The following GOLGA6B variants were observed in gnomAD, a reference collection of about 807,000 sequenced individuals.
The protein encoded by GOLGA6B is golgin A6 family member B, also known as golgin subfamily A member 6B.
A neutral mutation model predicts 63.0 loss-of-function variants in GOLGA6B; 11 were observed. That is an observed-to-expected ratio of 0.17 (90% CI 0.11 to 0.29). The LOEUF is 0.29. GOLGA6B is among the 10% of genes least tolerant of loss of function. The pLI, the probability that GOLGA6B is intolerant of heterozygous loss-of-function variation, is 1.00. For synonymous variants in GOLGA6B, 46 were observed against 232.6 expected, an observed-to-expected ratio of 0.20 and a Z score of 7.30; for missense variants, 134 against 563.8, an observed-to-expected ratio of 0.24 and a Z score of 7.72.
rs1453418173 is a variant in GOLGA6B at position 72,664,595 on chromosome 15, G to A, written c.1501+84G>A. 8 of 976,298 alleles carry A rather than the reference G, an allele frequency of 8.2e-6. No homozygotes were observed. In the East Asian group the frequency reaches 2.3e-4, roughly 28 times the overall value. The allele number at this position is 976,298 out of a possible 1,614,324, so 60.5% of individuals were successfully genotyped here. A position where few individuals can be genotyped will look rare whatever the true frequency, so the allele number is the denominator to read the frequency against. On this transcript the variant is annotated intron_variant, in intron 13 of 17. Coordinates refer to ENST00000421285, the MANE Select transcript of GOLGA6B (RefSeq NM_018652.5). The stretch of plus-strand genomic sequence containing the variant: ...GCAGCATAGGATTGAGGGGTTGGAA[G>A]AGACCTTTAGAACAGCTGGTCGTTA...
chr15:72,664,399 C>T, intron 12 of GOLGA6B, 37 bp from the exon 13 acceptor site: 1 of 1,317,690 alleles, frequency 7.6e-7, no homozygotes, highest in Non-Finnish European at 1.0e-6. Context: ...GACCTGGCAA[C>T]CTCCGTGCCT....
In GOLGA6B at chr15:72,662,443, C is replaced by T. The variant is rs373395322; in HGVS notation, c.1039C>T (p.Arg347Ter). The change falls in exon 11 of 18, where the codon CGA becomes TGA. Residue 347 changes from arginine (R) to a stop codon, truncating the protein, a stop_gained. Transcript: ENST00000421285. LOFTEE classifies it high-confidence loss of function. ...ACTCCAGGAGCAGGAGGAGATGCTC[C>T]GAGAGCAGGAGGTGCAGAGAGTGCG... ...QRLQEQEEML[R>*]EQEVQRVREQ... 1.6e-5 allele frequency: 22 copies of T among 1,393,368 alleles called. No homozygotes were observed. The highest frequency in any genetic ancestry group is 5.3e-5 in the East Asian group (2 of 37,630). 86.3% of individuals were successfully genotyped at this position (1,393,368 alleles called of 1,614,324 possible). A position where few individuals can be genotyped will look rare whatever the true frequency, so the allele number is the denominator to read the frequency against.
Position 72,669,116 on chromosome 15 carries a change from T to C in GOLGA6B, c.*2774T>C, listed in dbSNP as rs1253493313. ...TCTGTAGGAAGTAAAGAATTAAAAA[T>C]CTATTTAAAGATTGCAATATATAAT... On this transcript the variant is annotated 3_prime_UTR_variant, in exon 18 of 18. Transcript: ENST00000421285. Among the ~76,000 whole-genome samples, 6 of 151,370 alleles carry C rather than the reference T, an allele frequency of 4.0e-5. No individual in the cohort carries two copies. Among genetic ancestry groups the C allele is most frequent in the South Asian group, 2.1e-4 (1 of 4,790 alleles).
rs769770180 is a variant in GOLGA6B, at chr15:72,662,279, C to T, written c.875C>T (p.Ala292Val). ...AAGCCCCCATCCCTGGCGCCCCCAGCAGTGACCTCTGTGGTGGAACAGCTA... is the reference window on the plus strand; with the variant it reads ...AAGCCCCCATCCCTGGCGCCCCCAGTAGTGACCTCTGTGGTGGAACAGCTA... ...MAKPPSLAPP[A>V]VTSVVEQLQD... The change falls in exon 11 of 18, where the codon GCA becomes GTA. Residue 292 changes from alanine to valine, a missense_variant. Transcript: ENST00000421285. 30 of 1,386,490 alleles carry T rather than the reference C, an allele frequency of 2.2e-5. 8 individuals carry two copies. The highest frequency in any genetic ancestry group is 3.9e-5 in the Admixed American group (2 of 51,760). 85.9% of individuals were successfully genotyped at this position (1,386,490 alleles called of 1,614,324 possible). A position where few individuals can be genotyped will look rare whatever the true frequency, so the allele number is the denominator to read the frequency against.
intron 7 of GOLGA6B, among the ~76,000 whole-genome samples, chr15:72,660,922 G>T (rs571050088): frequency 0.049 from 7,290 of 147,342 alleles, 525 homozygotes; most frequent in African/African-American, 0.17. Flanking sequence ...ACACAATAGA[G>T]GTAATCCTAG....
rs762683849 is a variant in GOLGA6B at position 72,664,481 on chromosome 15, C to T, written c.1471C>T (p.Gln491Ter). 1.2e-5 allele frequency: 16 copies of T among 1,355,428 alleles called. 2 individuals are homozygous for T. In the South Asian group the frequency reaches 2.1e-4, roughly 18 times the overall value. 84.0% of individuals were successfully genotyped at this position (1,355,428 alleles called of 1,614,324 possible). ...ASQQNQQLET[Q>*]LSLVALPGEG... ...CCAGCAGAACCAACAGCTAGAGACC[C>T]AGCTAAGCCTCGTGGCTCTCCCGGG... The change falls in exon 13 of 18, where the codon CAG (glutamine) becomes TAG (stop). Residue 491 changes from glutamine (Q) to a stop codon, truncating the protein, a stop_gained. Coordinates refer to ENST00000421285, the MANE Select transcript of GOLGA6B (RefSeq NM_018652.5). LOFTEE classifies it high-confidence loss of function.
rs1006863556 is a variant in GOLGA6B at position 72,664,268 on chromosome 15, C to A, written c.1426-168C>A. On this transcript the variant is annotated intron_variant, in intron 12 of 17. Transcript: ENST00000421285. ...GCACAGGCAGTTACTGCTGCAGACC[C>A]AGCTCGTGGACCAGCTGCAGCAGCA... Among the ~76,000 whole-genome samples the A allele has an allele frequency of 3.1e-5, 4 of 130,238 alleles. 1 individual carries two copies. Among genetic ancestry groups the A allele is most frequent in the Non-Finnish European group, 7.0e-5 (4 of 57,552 alleles). The allele number at this position is 130,238 out of a possible 152,430, so 85.4% of individuals were successfully genotyped here.
At chr15:72,661,015 A>G (rs1473370454) in intron 7 of GOLGA6B, among the ~76,000 whole-genome samples, 3 of 151,520 alleles carry the variant, frequency 2.0e-5, no homozygotes, top group Admixed American at 6.6e-5. Flanking sequence ...CGGTTCAAAC[A>G]GTGGTAGTAA....
rs1317306794 is a variant in GOLGA6B at position 72,660,659 on chromosome 15, A to G, written c.564+430A>G. Among the ~76,000 whole-genome samples the G allele has an allele frequency of 6.2e-5, 7 of 113,226 alleles. No individual in the cohort carries two copies. The East Asian group carries it at 1.5e-3, about 25-fold the overall frequency. The allele number at this position is 113,226 out of a possible 152,430, so 74.3% of individuals were successfully genotyped here. ...CAAAAACATGTCTGCAAGCATTCAT[A>G]AAAAACTCAGGAGAGAGTAACAGGG... On this transcript the variant is annotated intron_variant, in intron 7 of 17. Transcript: ENST00000421285.
At chr15:72,664,563 A>C in intron 13 of GOLGA6B, 52 bp downstream of exon 13, 1 of 1,161,152 alleles carries the variant, frequency 8.6e-7, no homozygotes, top group Non-Finnish European at 1.2e-6. Context: ...GGAAGGGGGG[A>C]CTGTTAGCAG....
In GOLGA6B at chr15:72,664,522, C is replaced by G. The variant is rs745391059; in HGVS notation, c.1501+11C>G. On this transcript the variant is annotated intron_variant, in intron 13 of 17. Transcript: ENST00000421285. Reference sequence around the variant, plus strand: ...CTCTCCCGGGAGAAGGTACAGGAGACCACTCAGAGGAAGAGGAGAGAGCCC... The same window carrying G: ...CTCTCCCGGGAGAAGGTACAGGAGAGCACTCAGAGGAAGAGGAGAGAGCCC... 4 of 1,346,110 alleles carry G rather than the reference C, an allele frequency of 3.0e-6. 1 individual carries two copies. The highest frequency in any genetic ancestry group is 4.1e-6 in the Non-Finnish European group (4 of 987,568). 83.4% of individuals were successfully genotyped at this position (1,346,110 alleles called of 1,614,324 possible).
chr15:72,666,927 AC>A lies in GOLGA6B; in HGVS notation c.*586del. On this transcript the variant is annotated 3_prime_UTR_variant, in exon 18 of 18. Coordinates refer to ENST00000421285, the MANE Select transcript of GOLGA6B (RefSeq NM_018652.5). ...ACTGTTTATTACTTTGTAATATGCC[AC>A]TGTGAGTACTGACATTTAGAGTTGT... Among the ~76,000 whole-genome samples the A allele has an allele frequency of 7.3e-6, 1 of 137,430 alleles. No homozygotes were observed. The highest frequency in any genetic ancestry group is 1.6e-5 in the Non-Finnish European group (1 of 64,342). 90.2% of individuals were successfully genotyped at this position (137,430 alleles called of 152,430 possible). A position where few individuals can be genotyped will look rare whatever the true frequency, so the allele number is the denominator to read the frequency against.
intron 7 of GOLGA6B, among the ~76,000 whole-genome samples, chr15:72,660,534 G>T (rs1410076753): frequency 1.3e-5 from 1 of 75,096 alleles, no homozygotes; most frequent in Non-Finnish European, 2.7e-5. Flanking sequence ...TTCTGTGAAG[G>T]TACAGAAGAG....
rs570912863 is a variant in GOLGA6B, at chr15:72,662,358, C to G, written c.954C>G (p.Leu318=). The G allele has an allele frequency of 3.6e-6, 5 of 1,390,274 alleles. 1 individual carries two copies. The highest frequency in any genetic ancestry group is 1.5e-5 in the African/African-American group (1 of 67,118). The allele number at this position is 1,390,274 out of a possible 1,614,324, so 86.1% of individuals were successfully genotyped here. ...AGGTGGAAGGTCTGGAGGGAAAGCT[C>G]CAATCCCAGGTGGAAAACAATCAGG... ...RQEVEGLEGK[L]QSQVENNQAL... The change falls in exon 11 of 18, where the codon CTC becomes CTG. Residue 318 remains leucine, a synonymous_variant. Transcript: ENST00000421285.
rs1402892072 is a variant in GOLGA6B at position 72,663,593 on chromosome 15, G to A, written c.1425+488G>A. 9.4e-5 allele frequency among the ~76,000 whole-genome samples: 12 copies of A among 127,638 alleles called. 2 individuals carry two copies. The highest frequency in any genetic ancestry group is 1.9e-4 in the African/African-American group (7 of 36,330). The allele number at this position is 127,638 out of a possible 152,430, so 83.7% of individuals were successfully genotyped here. A position where few individuals can be genotyped will look rare whatever the true frequency, so the allele number is the denominator to read the frequency against. ...CTCAGGAGGCTGAGGCACGAGAATC[G>A]CTTGAGCCCACGTGGTGGAGGTTGC... On this transcript the variant is annotated intron_variant, in intron 12 of 17. Coordinates refer to ENST00000421285, the MANE Select transcript of GOLGA6B (RefSeq NM_018652.5).
chr15:72,663,226 C>G (rs2064611995), intron 12 of GOLGA6B, 121 bp downstream of exon 12: 1 of 484,620 alleles, frequency 2.1e-6, no homozygotes, highest in Non-Finnish European at 3.6e-6. Flanking sequence ...ACCCCAGCAC[C>G]CTCCAGTGCA....
rs1363974658 is a variant in GOLGA6B, at chr15:72,669,237, T to C, written c.*2895T>C. On this transcript the variant is annotated 3_prime_UTR_variant, in exon 18 of 18. Coordinates refer to ENST00000421285, the MANE Select transcript of GOLGA6B (RefSeq NM_018652.5). ...CTGATATTTAGAAAATGTGAAAATG[T>C]AAATCAGCCCTATCCATAATATAGT... Among the ~76,000 whole-genome samples the C allele has an allele frequency of 6.6e-6, 1 of 152,286 alleles. No homozygotes were observed. Among genetic ancestry groups the C allele is most frequent in the East Asian group, 1.9e-4 (1 of 5,208 alleles).
At chr15:72,657,911 C>T in intron 2 of GOLGA6B, among the ~76,000 whole-genome samples, 1 of 90,654 alleles carries the variant, frequency 1.1e-5, no homozygotes, top group African/African-American at 6.4e-5. Context: ...TAAAAGTAAT[C>T]TGGGAATAAC....
rs1231029485 is a variant in GOLGA6B, at chr15:72,664,479, C to T, written c.1469C>T (p.Thr490Ile). 18 of 1,354,488 alleles carry T rather than the reference C, an allele frequency of 1.3e-5. 6 individuals carry two copies. Among genetic ancestry groups the T allele is most frequent in the Non-Finnish European group, 1.7e-5 (17 of 992,164 alleles). 83.9% of individuals were successfully genotyped at this position (1,354,488 alleles called of 1,614,324 possible). The change falls in exon 13 of 18, where the codon ACC (threonine) becomes ATC (isoleucine). Residue 490 changes from threonine (T) to isoleucine (I), a missense_variant. Coordinates refer to ENST00000421285, the MANE Select transcript of GOLGA6B (RefSeq NM_018652.5). ...AGCCAGCAGAACCAACAGCTAGAGA[C>T]CCAGCTAAGCCTCGTGGCTCTCCCG... ...AASQQNQQLETQLSLVALPGE... is the reference protein window; with the variant it reads ...AASQQNQQLEIQLSLVALPGE...
Sources: gnomAD v4.1 joint callset for allele counts (sites outside exome capture counted in the v4.1 genomes callset) on GRCh38, gnomAD v4.1.1 for gene constraint, MANE v1.5 for transcripts, NCBI Gene and HGNC (gene_info 2026-07-23, HGNC 2026-07-21) for gene names.